The following MACROD2 variants were observed in gnomAD, a reference collection of about 807,000 sequenced individuals.
MACROD2 encodes ADP-ribose glycohydrolase MACROD2.
MACROD2 carries 36 observed loss-of-function variants against 70.4 expected under a neutral mutation model. The observed-to-expected ratio is 0.51, with a 90% CI of 0.39 to 0.68. MACROD2 has a LOEUF of 0.68. Ranked by LOEUF, MACROD2 falls within the 30% of genes least tolerant of loss-of-function variation. The probability of loss-of-function intolerance (pLI) is 0.00; values close to 1 mark genes in which losing one functional copy is unlikely to be tolerated. For missense variants in MACROD2, 496 were observed against 538.4 expected, an observed-to-expected ratio of 0.92 and a Z score of 0.78; for synonymous variants, 172 against 178.8, an observed-to-expected ratio of 0.96 and a Z score of 0.30.
intron 2 of MACROD2, among the ~76,000 whole-genome samples, chr20:14,065,802 A>T (rs1269259236): frequency 6.6e-6 from 1 of 152,106 alleles, no homozygotes; most frequent in African/African-American, 2.4e-5. Flanking sequence ...TTTTTTACTG[A>T]CTCTTGAAAG....
intron 8 of MACROD2, among the ~76,000 whole-genome samples, chr20:15,610,176 C>T (rs1206427268): frequency 3.3e-5 from 5 of 152,210 alleles, no homozygotes; most frequent in Non-Finnish European, 5.9e-5. Flanking sequence ...TGCTGGGCAA[C>T]CTCAGTATGT....
intron 5 of MACROD2, among the ~76,000 whole-genome samples, chr20:15,155,846 G>A (rs1019026659): frequency 1.9e-5 from 2 of 105,978 alleles, no homozygotes; most frequent in Non-Finnish European, 4.0e-5. Flanking sequence ...TTTAGAACAT[G>A]AGGAATAGAA....
chr20:15,872,622 C>G (rs1250173507), intron 9 of MACROD2, among the ~76,000 whole-genome samples: 5 of 152,000 alleles, frequency 3.3e-5, no homozygotes, highest in Non-Finnish European at 1.5e-5. Flanking sequence ...ATATGTACAC[C>G]AAGCATCATA....
At chr20:14,059,718 T>G (rs1373932458) in intron 2 of MACROD2, among the ~76,000 whole-genome samples, 1 of 152,214 alleles carries the variant, frequency 6.6e-6, no homozygotes, top group Non-Finnish European at 1.5e-5. Context: ...GCATTTGAGA[T>G]AGTCATGAAC....
intron 3 of MACROD2, among the ~76,000 whole-genome samples, chr20:14,153,100 A>T (rs1051350022): frequency 1.3e-5 from 2 of 152,198 alleles, no homozygotes; most frequent in African/African-American, 4.8e-5. Context: ...TGCTAAGGTT[A>T]TAGTTACGAA....
intron 8 of MACROD2, among the ~76,000 whole-genome samples, chr20:15,804,200 C>T (rs1301128236): frequency 1.3e-5 from 2 of 152,192 alleles, no homozygotes; most frequent in African/African-American, 2.4e-5. Context: ...GCATTTGATA[C>T]ATGGAGCTAT....
chr20:14,806,944 G>C (rs1237358852), intron 5 of MACROD2, among the ~76,000 whole-genome samples: 1 of 152,134 alleles, frequency 6.6e-6, no homozygotes, highest in Non-Finnish European at 1.5e-5. Flanking sequence ...GCCCCAGCCA[G>C]GGGCTTATAG....
At chr20:14,888,710 C>G (rs750779493) in intron 5 of MACROD2, 2 of 152,164 alleles carry the variant, frequency 1.3e-5, no homozygotes, top group Non-Finnish European at 2.9e-5. Flanking sequence ...TTGGACATCG[C>G]TATGGTTGCT....
chr20:15,746,150 A>G (rs1267971756), intron 8 of MACROD2, among the ~76,000 whole-genome samples: 1 of 152,132 alleles, frequency 6.6e-6, no homozygotes, highest in Non-Finnish European at 1.5e-5. Context: ...ATAATTCACG[A>G]ACAATGTATA....
intron 6 of MACROD2, among the ~76,000 whole-genome samples, chr20:15,375,845 CAG>C (rs1314275596): frequency 6.6e-6 from 1 of 152,034 alleles, no homozygotes; most frequent in Non-Finnish European, 1.5e-5. Context: ...AATTGTGTTT[CAG>C]GGAGGTGAGC....
At chr20:14,272,159 C>T (rs1471483239) in intron 3 of MACROD2, among the ~76,000 whole-genome samples, 1 of 152,086 alleles carries the variant, frequency 6.6e-6, no homozygotes, top group South Asian at 2.1e-4. Context: ...CAAAGATACT[C>T]CTCGAGAAGA....
At chr20:14,583,766 G>A (rs1981193802) in intron 4 of MACROD2, among the ~76,000 whole-genome samples, 2 of 152,138 alleles carry the variant, frequency 1.3e-5, no homozygotes, top group Non-Finnish European at 1.5e-5. Context: ...ACACTGACAG[G>A]TGTCTTAAGA....
chr20:15,477,133 C>G (rs2047033777), intron 7 of MACROD2, among the ~76,000 whole-genome samples: 1 of 137,220 alleles, frequency 7.3e-6, no homozygotes, highest in Non-Finnish European at 1.5e-5. Context: ...CAGGGCCTCA[C>G]TCTGTCACCC....
chr20:16,046,091 G>A (rs889455768), intron 17 of MACROD2, among the ~76,000 whole-genome samples: 1 of 152,070 alleles, frequency 6.6e-6, no homozygotes, highest in Admixed American at 6.6e-5. Context: ...GTACCTCCTT[G>A]CACTCACTGC....
At chr20:15,238,076 ATTTG>A (rs2077029937) in intron 6 of MACROD2, among the ~76,000 whole-genome samples, 1 of 152,200 alleles carries the variant, frequency 6.6e-6, no homozygotes, top group Non-Finnish European at 1.5e-5. Context: ...TTTACAAAAT[ATTTG>A]TTATAAAAGG....
intron 3 of MACROD2, among the ~76,000 whole-genome samples, chr20:14,272,717 A>G (rs2082207988): frequency 2.6e-5 from 4 of 152,212 alleles, no homozygotes; most frequent in African/African-American, 9.6e-5. Flanking sequence ...ATAAAGAGTC[A>G]AGACCCATCA....
At chr20:14,284,158 G>A (rs1568537578) in intron 3 of MACROD2, among the ~76,000 whole-genome samples, 1 of 150,046 alleles carries the variant, frequency 6.7e-6, no homozygotes, top group East Asian at 1.9e-4. Flanking sequence ...TAGTAGAGGT[G>A]TTGGGTTGGA....
intron 3 of MACROD2, among the ~76,000 whole-genome samples, chr20:14,265,959 G>A (rs571366713): frequency 1.1e-4 from 16 of 152,008 alleles, no homozygotes; most frequent in Non-Finnish European, 2.2e-4. Flanking sequence ...TGTATTTTTA[G>A]TAGAGACGGG....
chr20:14,416,102 GCACA>G (rs2083801274), intron 3 of MACROD2, among the ~76,000 whole-genome samples: 2 of 151,890 alleles, frequency 1.3e-5, no homozygotes, highest in Admixed American at 6.6e-5. Context: ...GGGATTACAG[GCACA>G]CACCACCACG....
Sources: allele counts gnomAD v4.1 joint callset (sites outside exome capture counted in the v4.1 genomes callset), GRCh38; gene constraint gnomAD v4.1.1; transcripts MANE v1.5; gene names NCBI Gene and HGNC (gene_info 2026-07-23, HGNC 2026-07-21).